Variants in ARHGAP15 observed in about 807,000 individuals in gnomAD.
The protein encoded by ARHGAP15 is rho GTPase-activating protein 15.
Under a neutral mutation model 63.7 loss-of-function variants are expected in ARHGAP15, and 51 were observed. The ratio of observed to expected loss-of-function variants is 0.80; its 90% CI spans 0.64 to 1.01. The LOEUF (loss-of-function observed/expected upper bound fraction) is 1.01. Ranked by LOEUF, ARHGAP15 falls within the 50% of genes least tolerant of loss-of-function variation. ARHGAP15 has a pLI of 0.00. For missense variants in ARHGAP15, 560 were observed against 564.6 expected, an observed-to-expected ratio of 0.99 and a Z score of 0.08; for synonymous variants, 191 against 193.8, an observed-to-expected ratio of 0.99 and a Z score of 0.12.
At chr2:143,539,728 C>T (rs1694956415) in intron 10 of ARHGAP15, among the ~76,000 whole-genome samples, 1 of 151,996 alleles carries the variant, frequency 6.6e-6, no homozygotes, top group African/African-American at 2.4e-5. Flanking sequence ...AGTTTGATTG[C>T]ACTGTGGTCT....
chr2:143,143,553 G>A (rs1423783133), intron 1 of ARHGAP15, among the ~76,000 whole-genome samples: 1 of 147,186 alleles, frequency 6.8e-6, no homozygotes, highest in Admixed American at 6.8e-5. Flanking sequence ...TTATCAAGGA[G>A]AGCTATTTTC....
intron 12 of ARHGAP15, among the ~76,000 whole-genome samples, chr2:143,693,297 C>T (rs1207051056): frequency 6.6e-6 from 1 of 152,236 alleles, no homozygotes; most frequent in Non-Finnish European, 1.5e-5. Context: ...CTGTTTGCTT[C>T]ACATGCTAGT....
chr2:143,459,044 G>T (rs972979254), intron 8 of ARHGAP15, among the ~76,000 whole-genome samples: 6 of 152,094 alleles, frequency 3.9e-5, no homozygotes, highest in Non-Finnish European at 7.4e-5. Context: ...ATGCTTGGAG[G>T]CATAGTTGTA....
intron 6 of ARHGAP15, among the ~76,000 whole-genome samples, chr2:143,383,342 T>C (rs1687137216): frequency 6.6e-6 from 1 of 152,162 alleles, no homozygotes; most frequent in African/African-American, 2.4e-5. Flanking sequence ...CTCACTTATA[T>C]AAGGTTAGCA....
rs145450468 is a variant in ARHGAP15 at position 143,495,897 on chromosome 2, T to C, written c.826+8402T>C. ...GAGAATAATTATACTTGAATTTATATACTAGGGCATGGGTCTATCATTGCT... is the reference window on the plus strand; with the variant it reads ...GAGAATAATTATACTTGAATTTATACACTAGGGCATGGGTCTATCATTGCT... On this transcript the variant is annotated intron_variant, in intron 9 of 13. Coordinates refer to ENST00000295095, the MANE Select transcript of ARHGAP15 (RefSeq NM_018460.4). 3.6e-3 allele frequency among the ~76,000 whole-genome samples: 556 copies of C among 152,332 alleles called. 4 individuals are homozygous for C. The highest frequency in any genetic ancestry group is 0.012 in the African/African-American group (490 of 41,576).
At chr2:143,540,009 G>T (rs1473952088) in intron 10 of ARHGAP15, among the ~76,000 whole-genome samples, 1 of 152,164 alleles carries the variant, frequency 6.6e-6, no homozygotes, top group Non-Finnish European at 1.5e-5. Context: ...TATTGTGTGG[G>T]AGTCTGAGTC....
At chr2:143,216,555 A>AC in intron 4 of ARHGAP15, 110 bp downstream of exon 4, 1 of 730,356 alleles carries the variant, frequency 1.4e-6, no homozygotes, top group Non-Finnish European at 2.3e-6. Flanking sequence ...CCAGACTAGA[A>AC]CAGTCTCCTC....
At chr2:143,546,567 T>C (rs1039480607) in intron 10 of ARHGAP15, among the ~76,000 whole-genome samples, 6 of 152,152 alleles carry the variant, frequency 3.9e-5, no homozygotes, top group African/African-American at 1.4e-4. Flanking sequence ...AAACCTGCTG[T>C]GGCCACCCCA....
chr2:143,434,685 C>G (rs1431508235), intron 6 of ARHGAP15, among the ~76,000 whole-genome samples: 4 of 152,116 alleles, frequency 2.6e-5, no homozygotes, highest in Non-Finnish European at 5.9e-5. Flanking sequence ...AAATGTTCAT[C>G]TTCCAGTTGC....
At position 143,741,609 on chromosome 2, in the gene ARHGAP15, T is replaced by G. The variant is rs769998357; in HGVS notation, c.1245-26380T>G. On this transcript the variant is annotated intron_variant, in intron 13 of 13. Coordinates refer to ENST00000295095, the MANE Select transcript of ARHGAP15 (RefSeq NM_018460.4). ...AAGTCAAAGAGACATTTTTCAGAAATTGAAATGGAGACTTGGGCCTTCAAG... is the reference window on the plus strand; with the variant it reads ...AAGTCAAAGAGACATTTTTCAGAAAGTGAAATGGAGACTTGGGCCTTCAAG... Among the ~76,000 whole-genome samples, 5 of 152,196 alleles carry G rather than the reference T, an allele frequency of 3.3e-5. No homozygotes were observed. The South Asian group carries it at 1.0e-3, about 31-fold the overall frequency.
In ARHGAP15 at chr2:143,519,489, C is replaced by T. The variant is rs182966014; in HGVS notation, c.925+125C>T. 242 of 643,544 alleles carry T rather than the reference C, an allele frequency of 3.8e-4. 4 individuals carry two copies. The South Asian group carries it at 4.1e-3, about 11-fold the overall frequency. 39.9% of individuals were successfully genotyped at this position (643,544 alleles called of 1,614,324 possible). On this transcript the variant is annotated intron_variant, in intron 10 of 13. Coordinates refer to ENST00000295095, the MANE Select transcript of ARHGAP15 (RefSeq NM_018460.4). ...CAATTAAAACTTGACTTGTGTTAATCGGTTAAGAGGATCATCTTTCTTATT... is the reference window on the plus strand; with the variant it reads ...CAATTAAAACTTGACTTGTGTTAATTGGTTAAGAGGATCATCTTTCTTATT...
At chr2:143,438,364 A>G (rs957408684) in intron 8 of ARHGAP15, among the ~76,000 whole-genome samples, 2 of 152,182 alleles carry the variant, frequency 1.3e-5, no homozygotes, top group Admixed American at 1.3e-4. Context: ...ACATACATGC[A>G]CACAAAGACT....
chr2:143,150,049 G>A (rs186968822), intron 1 of ARHGAP15, among the ~76,000 whole-genome samples: 4 of 152,020 alleles, frequency 2.6e-5, no homozygotes, highest in African/African-American at 9.6e-5. Flanking sequence ...GGATGCTGGG[G>A]GGTGTGGGCC....
At chr2:143,514,433 A>G (rs567220254) in intron 9 of ARHGAP15, among the ~76,000 whole-genome samples, 2 of 152,332 alleles carry the variant, frequency 1.3e-5, no homozygotes, top group East Asian at 3.9e-4. Context: ...TGAGGATTGA[A>G]ATTAAACTGA....
At chr2:143,245,831 G>A (rs953489887) in intron 5 of ARHGAP15, among the ~76,000 whole-genome samples, 1 of 152,160 alleles carries the variant, frequency 6.6e-6, no homozygotes, top group South Asian at 2.1e-4. Context: ...GACATGCCTT[G>A]TGAGTCCTTT....
At chr2:143,150,378 A>G (rs1558776847) in intron 1 of ARHGAP15, among the ~76,000 whole-genome samples, 1 of 152,010 alleles carries the variant, frequency 6.6e-6, no homozygotes, top group Non-Finnish European at 1.5e-5. Context: ...TCCTATTTGC[A>G]GTATGAGTAG....
At chr2:143,327,927 AAGTG>A (rs1427603659) in intron 6 of ARHGAP15, among the ~76,000 whole-genome samples, 1 of 152,092 alleles carries the variant, frequency 6.6e-6, no homozygotes, top group Non-Finnish European at 1.5e-5. Context: ...AAAATCCAAA[AAGTG>A]AGCAAAGGAT....
chr2:143,259,236 T>C (rs575107522), intron 6 of ARHGAP15, among the ~76,000 whole-genome samples: 1 of 152,142 alleles, frequency 6.6e-6, no homozygotes, highest in African/African-American at 2.4e-5. Context: ...TTTTGACAGC[T>C]ATACTGGAAC....
intron 9 of ARHGAP15, among the ~76,000 whole-genome samples, chr2:143,504,815 C>T (rs1452075304): frequency 6.6e-6 from 1 of 152,228 alleles, no homozygotes; most frequent in Non-Finnish European, 1.5e-5. Flanking sequence ...GAGTTACCTG[C>T]TTCCCTGCCT....
Sources: gnomAD v4.1 joint callset for allele counts (sites outside exome capture counted in the v4.1 genomes callset) on GRCh38, gnomAD v4.1.1 for gene constraint, MANE v1.5 for transcripts, NCBI Gene and HGNC (gene_info 2026-07-23, HGNC 2026-07-21) for gene names.